Variants in HHAT observed in about 807,000 individuals in gnomAD.
The protein encoded by HHAT is hedgehog acyltransferase, also known as protein-cysteine N-palmitoyltransferase HHAT.
HHAT carries 47 observed loss-of-function variants against 70.8 expected under a neutral mutation model. That is an observed-to-expected ratio of 0.66 (90% confidence interval 0.53 to 0.85). The LOEUF is 0.85. Ranked by LOEUF, HHAT falls within the 40% of genes least tolerant of loss-of-function variation. The pLI is 0.00. For missense variants in HHAT, 609 were observed against 604.8 expected, an observed-to-expected ratio of 1.01 and a Z score of -0.07; for synonymous variants, 228 against 247.6, an observed-to-expected ratio of 0.92 and a Z score of 0.74.
intron 7 of HHAT, among the ~76,000 whole-genome samples, chr1:210,425,550 T>C (rs2093037796): frequency 6.6e-6 from 1 of 152,162 alleles, no homozygotes. Context: ...AGTTTTAGTC[T>C]TCTGCATGTG....
chr1:210,370,198 CAG>C (rs1262344843), intron 3 of HHAT, among the ~76,000 whole-genome samples: 1 of 132,452 alleles, frequency 7.5e-6, no homozygotes, highest in African/African-American at 3.0e-5. Flanking sequence ...TTCCTGAATG[CAG>C]AGTCTCACTG....
upstream of HHAT, chr1:210,328,882 TCCGGG>T: frequency 1.7e-6 from 1 of 571,800 alleles, no homozygotes; most frequent in Non-Finnish European, 2.6e-6. Flanking sequence ...GGTTCCCGAG[TCCGGG>T]CGCGGAGGGC....
intron 11 of HHAT, among the ~76,000 whole-genome samples, chr1:210,637,438 G>A (rs924546099): frequency 2.6e-5 from 4 of 152,060 alleles, no homozygotes; most frequent in East Asian, 1.9e-4. Flanking sequence ...AAAAACTTTG[G>A]TGCTTCAAAG....
chr1:210,335,413 C>T lies in HHAT; in HGVS notation c.-44+6309C>T, dbSNP rs981133513. Among the ~76,000 whole-genome samples, 84 of 151,336 alleles carry T rather than the reference C, an allele frequency of 5.6e-4. 1 individual carries two copies. The highest frequency in any genetic ancestry group is 6.6e-4 in the Admixed American group (10 of 15,224). The stretch of plus-strand genomic sequence containing the variant: ...GTATTGCTCTGCAAATCTATAGATT[C>T]GGGCCAATCCCAATCAAAATCCCGG... On this transcript the variant is annotated intron_variant, in intron 1 of 11. Transcript: ENST00000261458.
chr1:210,598,194 C>T (rs1663443577), intron 10 of HHAT, among the ~76,000 whole-genome samples: 1 of 151,810 alleles, frequency 6.6e-6, no homozygotes, highest in African/African-American at 2.4e-5. Context: ...GAGCACGTAT[C>T]CAAATTGCAA....
At chr1:210,427,310 A>T (rs956588925) in intron 7 of HHAT, among the ~76,000 whole-genome samples, 5 of 151,562 alleles carry the variant, frequency 3.3e-5, no homozygotes, top group African/African-American at 1.2e-4. Flanking sequence ...CTTTCAGTTC[A>T]GCTCTGATTT....
At chr1:210,356,809 C>T (rs1217362300) in intron 2 of HHAT, among the ~76,000 whole-genome samples, 1 of 152,226 alleles carries the variant, frequency 6.6e-6, no homozygotes, top group Admixed American at 6.5e-5. Context: ...TGATCAGTAA[C>T]TCTGAAGAAC....
At chr1:210,401,226 T>C (rs1403110490) in intron 5 of HHAT, among the ~76,000 whole-genome samples, 2 of 152,194 alleles carry the variant, frequency 1.3e-5, no homozygotes, top group African/African-American at 4.8e-5. Context: ...GCGATTCTCG[T>C]GCCTCAGTCA....
intron 11 of HHAT, among the ~76,000 whole-genome samples, chr1:210,652,764 T>C (rs1675434364): frequency 1.3e-5 from 2 of 152,248 alleles, no homozygotes; most frequent in South Asian, 4.1e-4. Context: ...CTGAAGCAAA[T>C]GAGAAGACAC....
At chr1:210,435,223 A>G (rs966838919) in intron 7 of HHAT, among the ~76,000 whole-genome samples, 2 of 151,812 alleles carry the variant, frequency 1.3e-5, no homozygotes, top group Non-Finnish European at 2.9e-5. Flanking sequence ...AGAACATGCA[A>G]TGTTTATCTT....
At chr1:210,610,176 C>G (rs4607956) in intron 10 of HHAT, among the ~76,000 whole-genome samples, 123,355 of 152,178 alleles carry the variant, frequency 0.81, 52,128 homozygotes, top group East Asian at 0.99. Flanking sequence ...TGCCACCTTG[C>G]CAGCATCTGT....
intron 2 of HHAT, among the ~76,000 whole-genome samples, chr1:210,349,408 G>A (rs185644122): frequency 2.6e-5 from 4 of 152,240 alleles, no homozygotes; most frequent in Admixed American, 2.6e-4. Flanking sequence ...TTAGATCTGG[G>A]TTCGTTTTGT....
chr1:210,590,232 A>G (rs1026297440), intron 10 of HHAT: 2 of 152,184 alleles, frequency 1.3e-5, no homozygotes, highest in Non-Finnish European at 2.9e-5. Flanking sequence ...ATCCAAATGC[A>G]CACAATTTTT....
At chr1:210,374,087 G>A (rs988662885) in intron 3 of HHAT, 1 of 152,136 alleles carries the variant, frequency 6.6e-6, no homozygotes, top group African/African-American at 2.4e-5. Context: ...CAGTGACAAT[G>A]AATCACTTAA....
chr1:210,371,659 G>A (rs146944535), intron 3 of HHAT, among the ~76,000 whole-genome samples: 1 of 152,316 alleles, frequency 6.6e-6, no homozygotes, highest in African/African-American at 2.4e-5. Flanking sequence ...ATCAGATGGA[G>A]GGAAGCAGAG....
chr1:210,533,900 C>A (rs1262165784), intron 9 of HHAT, among the ~76,000 whole-genome samples: 4 of 152,118 alleles, frequency 2.6e-5, no homozygotes, highest in African/African-American at 9.7e-5. Flanking sequence ...AAAGGCCCGG[C>A]TTGAATGAGT....
chr1:210,361,931 A>G (rs1309593477), intron 2 of HHAT, among the ~76,000 whole-genome samples: 1 of 152,176 alleles, frequency 6.6e-6, no homozygotes, highest in African/African-American at 2.4e-5. Flanking sequence ...GGCACTGATC[A>G]GCACTATCAT....
chr1:210,419,599 T>C (rs1467780630), intron 7 of HHAT, among the ~76,000 whole-genome samples: 2 of 152,208 alleles, frequency 1.3e-5, no homozygotes, highest in African/African-American at 4.8e-5. Flanking sequence ...CCTGACTCCT[T>C]CTTTATCTGT....
rs540579926 is a variant in HHAT at position 210,598,528 on chromosome 1, C to T, written c.1245+10429C>T. On this transcript the variant is annotated intron_variant, in intron 10 of 11. Transcript: ENST00000261458. ...TCTGACCACTGGAATGGATGCTTCC[C>T]CTCTGACTAGGGCTGTTCTAAGTGT... is the stretch of plus-strand genomic sequence containing the variant. Among the ~76,000 whole-genome samples the T allele has an allele frequency of 3.9e-5, 6 of 152,236 alleles. No individual in the cohort carries two copies. The South Asian group carries it at 1.2e-3, about 32-fold the overall frequency.
Sources: gnomAD v4.1 joint callset for allele counts (sites outside exome capture counted in the v4.1 genomes callset) on GRCh38, gnomAD v4.1.1 for gene constraint, MANE v1.5 for transcripts, NCBI Gene and HGNC (gene_info 2026-07-23, HGNC 2026-07-21) for gene names.